Variants in TRDN observed in about 807,000 individuals in gnomAD.
TRDN encodes triadin.
A neutral mutation model predicts 149.7 loss-of-function variants in TRDN; 161 were observed. The ratio of observed to expected loss-of-function variants is 1.08; its 90% CI spans 0.95 to 1.23. TRDN has a LOEUF of 1.23. Ranked by LOEUF, TRDN falls within the 50% of genes most tolerant of loss-of-function variation. The pLI, the probability that TRDN is intolerant of heterozygous loss-of-function variation, is 0.00. For synonymous variants in TRDN, 294 were observed against 250.5 expected (o/e 1.17, Z -1.64); for missense variants, 896 against 823.5 (o/e 1.09, Z -1.08).
intron 10 of TRDN, among the ~76,000 whole-genome samples, chr6:123,447,480 G>A (rs1233136488): frequency 6.6e-6 from 1 of 152,138 alleles, no homozygotes; most frequent in East Asian, 1.9e-4. Context: ...CTACTCCTGG[G>A]GGTTGTAACC....
chr6:123,398,356 G>A (rs1166967501), intron 12 of TRDN, among the ~76,000 whole-genome samples: 3 of 152,124 alleles, frequency 2.0e-5, no homozygotes, highest in Non-Finnish European at 2.9e-5. Flanking sequence ...AAGTTGAATG[G>A]CTTTTCCACA....
chr6:123,385,352 C>A lies in TRDN; in HGVS notation c.1135+3170G>T, dbSNP rs534263966. Among the ~76,000 whole-genome samples the A allele has an allele frequency of 4.6e-5, 7 of 150,732 alleles. No homozygotes were observed. The East Asian group carries it at 1.4e-3, about 30-fold the overall frequency. ...CTGAGGCAGGAGAGTGGCATGAACC[C>A]GGGAGGTGGAGCTCGCAGTGAGCAG... On this transcript the variant is annotated intron_variant, in intron 14 of 40. Transcript: ENST00000334268.
chr6:123,615,627 G>A (rs1262483546), intron 1 of TRDN, among the ~76,000 whole-genome samples: 1 of 152,096 alleles, frequency 6.6e-6, no homozygotes, highest in Non-Finnish European at 1.5e-5. Context: ...GATGAGCTAT[G>A]TCAAGTGAGA....
In TRDN at chr6:123,260,600, G is replaced by GT; in HGVS notation, c.1831+11dup. On this transcript the variant is annotated intron_variant, in intron 34 of 40. Coordinates refer to ENST00000334268, the MANE Select transcript of TRDN (RefSeq NM_006073.4). ...ACTGTATCTTATCTCCTCTGAAAAAGTAAATATTTACCTGATTCTGTGACT... is the reference window on the plus strand; with the variant it reads ...ACTGTATCTTATCTCCTCTGAAAAAGTTAAATATTTACCTGATTCTGTGACT... The GT allele has an allele frequency of 7.8e-7, 1 of 1,279,952 alleles. No homozygotes were observed. The highest frequency in any genetic ancestry group is 2.3e-4 in the Middle Eastern group (1 of 4,418). The allele number at this position is 1,279,952 out of a possible 1,614,324, so 79.3% of individuals were successfully genotyped here.
At chr6:123,384,030 T>C (rs1562287990) in intron 14 of TRDN, among the ~76,000 whole-genome samples, 1 of 152,208 alleles carries the variant, frequency 6.6e-6, no homozygotes, top group Non-Finnish European at 1.5e-5. Flanking sequence ...ATATTCTTGC[T>C]ATTTAGTTTG....
chr6:123,494,131 T>C (rs895291697), intron 9 of TRDN, among the ~76,000 whole-genome samples: 1 of 152,146 alleles, frequency 6.6e-6, no homozygotes, highest in African/African-American at 2.4e-5. Context: ...AAGAATTCAA[T>C]TAGTAAGTCA....
At chr6:123,397,393 T>C (rs1772777308) in intron 12 of TRDN, among the ~76,000 whole-genome samples, 1 of 152,160 alleles carries the variant, frequency 6.6e-6, no homozygotes, top group Non-Finnish European at 1.5e-5. Flanking sequence ...CATATAATTA[T>C]TTACTCGTAC....
intron 1 of TRDN, among the ~76,000 whole-genome samples, chr6:123,631,934 T>C (rs901025909): frequency 2.0e-5 from 3 of 152,214 alleles, no homozygotes; most frequent in East Asian, 1.9e-4. Flanking sequence ...CTCCAAATAA[T>C]AAGTAATTTT....
chr6:123,353,425 T>C (rs1244541762), intron 20 of TRDN, among the ~76,000 whole-genome samples: 1 of 151,862 alleles, frequency 6.6e-6, no homozygotes, highest in Non-Finnish European at 1.5e-5. Flanking sequence ...ATCTTTTGCT[T>C]CCTGATGAGA....
chr6:123,614,579 T>C (rs1418728316), intron 1 of TRDN, among the ~76,000 whole-genome samples: 1 of 151,548 alleles, frequency 6.6e-6, no homozygotes, highest in Admixed American at 6.6e-5. Flanking sequence ...CGTAAGTGTA[T>C]TTAAAATTTT....
intron 20 of TRDN, among the ~76,000 whole-genome samples, chr6:123,355,129 A>T (rs1441836418): frequency 6.6e-6 from 1 of 151,452 alleles, no homozygotes; most frequent in Non-Finnish European, 1.5e-5. Flanking sequence ...TGTTTTTTAC[A>T]TTGATTTGTA....
chr6:123,367,542 G>A (rs146496021), intron 19 of TRDN, among the ~76,000 whole-genome samples: 18 of 152,238 alleles, frequency 1.2e-4, no homozygotes, highest in African/African-American at 3.6e-4. Flanking sequence ...TTTAAACCCA[G>A]GCAAGAAGTG....
intron 21 of TRDN, among the ~76,000 whole-genome samples, chr6:123,338,246 G>A (rs528318211): frequency 2.0e-5 from 3 of 152,062 alleles, no homozygotes; most frequent in Non-Finnish European, 4.4e-5. Context: ...AAAGAAATTA[G>A]ACCCACAAAC....
intron 1 of TRDN, among the ~76,000 whole-genome samples, chr6:123,574,141 T>G (rs547727743): frequency 2.6e-5 from 4 of 151,910 alleles, no homozygotes; most frequent in Non-Finnish European, 5.9e-5. Flanking sequence ...CCCCATATTT[T>G]CAAAAAATTC....
At chr6:123,405,976 T>A (rs2114498658) in intron 12 of TRDN, among the ~76,000 whole-genome samples, 1 of 152,308 alleles carries the variant, frequency 6.6e-6, no homozygotes, top group Admixed American at 6.5e-5. Context: ...ATATTTAATT[T>A]ATCTTGAGAC....
rs767382662 is a variant in TRDN at position 123,316,443 on chromosome 6, C to T, written c.1510+14G>A. The T allele has an allele frequency of 6.2e-6, 10 of 1,608,970 alleles. No homozygotes were observed. Among genetic ancestry groups the T allele is most frequent in the Non-Finnish European group, 8.5e-6 (10 of 1,176,642 alleles). ...AACATCTCCTTGTATGTAAATCTTA[C>T]AAAATATCCTTACCTGCTTTGGACA... On this transcript the variant is annotated intron_variant, in intron 24 of 40. Transcript: ENST00000334268.
At chr6:123,447,771 CAAA>C (rs570554964) in intron 10 of TRDN, among the ~76,000 whole-genome samples, 1 of 101,214 alleles carries the variant, frequency 9.9e-6, no homozygotes, top group Non-Finnish European at 2.1e-5. Context: ...AGATCAGTTT[CAAA>C]AAAAAAAAAA....
rs142500466 is a variant in TRDN at position 123,539,430 on chromosome 6, A to T, written c.424+7910T>A. Among the ~76,000 whole-genome samples the T allele has an allele frequency of 9.9e-3, 1,507 of 152,342 alleles. 17 individuals carry two copies. The highest frequency in any genetic ancestry group is 0.019 in the Admixed American group (294 of 15,298). ...TATCAATGTATGGCATCACAGTTTA[A>T]TCATAGAATCGTAAAATATCATAGC... On this transcript the variant is annotated intron_variant, in intron 4 of 40. Coordinates refer to ENST00000334268, the MANE Select transcript of TRDN (RefSeq NM_006073.4).
intron 38 of TRDN, among the ~76,000 whole-genome samples, chr6:123,248,693 C>A (rs752657924): frequency 3.6e-4 from 55 of 152,070 alleles, no homozygotes; most frequent in African/African-American, 1.2e-3. Flanking sequence ...AGGACCTGAA[C>A]AGACCAACTG....
Sources: gnomAD v4.1 joint callset for allele counts (sites outside exome capture counted in the v4.1 genomes callset) on GRCh38, gnomAD v4.1.1 for gene constraint, MANE v1.5 for transcripts, NCBI Gene and HGNC (gene_info 2026-07-23, HGNC 2026-07-21) for gene names.